The following LMBR1 variants were observed in gnomAD, a reference collection of about 807,000 sequenced individuals.
LMBR1 encodes the protein limb development membrane protein 1, also known as limb region 1 protein homolog.
Under a neutral mutation model 73.9 loss-of-function variants are expected in LMBR1, and 52 were observed. That is an observed-to-expected ratio of 0.70 (90% confidence interval 0.56 to 0.89). The LOEUF (loss-of-function observed/expected upper bound fraction) is 0.89, where lower values mean the gene tolerates loss of function less well. Among genes scored for constraint, LMBR1 ranks in the 40% least tolerant of loss-of-function variants. The probability of loss-of-function intolerance (pLI) is 0.00; values close to 1 mark genes in which losing one functional copy is unlikely to be tolerated. For missense variants in LMBR1, 539 were observed against 579.8 expected (o/e 0.93, Z 0.72); for synonymous variants, 215 against 209.4 (o/e 1.03, Z -0.23).
intron 1 of LMBR1, among the ~76,000 whole-genome samples, chr7:156,842,096 A>AT (rs1176871053): frequency 2.0e-5 from 3 of 150,972 alleles, no homozygotes; most frequent in Non-Finnish European, 4.4e-5. Flanking sequence ...ACATGACTAC[A>AT]TTTTTTGATG....
intron 3 of LMBR1, among the ~76,000 whole-genome samples, chr7:156,827,571 C>T (rs1003779748): frequency 6.6e-6 from 1 of 151,732 alleles, no homozygotes; most frequent in African/African-American, 2.4e-5. Context: ...ACAAGAAACA[C>T]CTAACTTTTT....
chr7:156,800,114 A>C (rs1174781872), intron 4 of LMBR1, among the ~76,000 whole-genome samples: 4 of 152,246 alleles, frequency 2.6e-5, no homozygotes, highest in Non-Finnish European at 5.9e-5. Flanking sequence ...GTTCTCCAGA[A>C]GATCTGGCTA....
At chr7:156,675,261 T>C (rs1177064691), downstream of LMBR1, among the ~76,000 whole-genome samples, 1 of 152,190 alleles carries the variant, frequency 6.6e-6, no homozygotes, top group African/African-American at 2.4e-5. Context: ...GGGTGGTCGG[T>C]GGGAACCACG....
intron 1 of LMBR1, among the ~76,000 whole-genome samples, chr7:156,855,397 C>T (rs1168047632): frequency 6.6e-6 from 1 of 152,040 alleles, no homozygotes; most frequent in Non-Finnish European, 1.5e-5. Flanking sequence ...CTCTTAACAC[C>T]ATAGCAATTA....
At chr7:156,833,360 G>A (rs924479435) in intron 3 of LMBR1, 5 of 174,624 alleles carry the variant, frequency 2.9e-5, no homozygotes, top group Non-Finnish European at 4.8e-5. Flanking sequence ...CCTACAGGAC[G>A]GTCTGGGCCC....
At chr7:156,758,051 C>T (rs1475603646) in intron 8 of LMBR1, among the ~76,000 whole-genome samples, 1 of 152,174 alleles carries the variant, frequency 6.6e-6, no homozygotes, top group Non-Finnish European at 1.5e-5. Flanking sequence ...GGAAGAGATA[C>T]CTAAATGGCC....
chr7:156,848,646 T>C (rs1030968606), intron 1 of LMBR1, among the ~76,000 whole-genome samples: 2 of 152,024 alleles, frequency 1.3e-5, no homozygotes, highest in Non-Finnish European at 2.9e-5. Context: ...AAAAGAGAAA[T>C]ACTGGCTGGG....
intron 1 of LMBR1, among the ~76,000 whole-genome samples, chr7:156,882,337 T>G (rs1245824295): frequency 6.6e-6 from 1 of 152,024 alleles, no homozygotes; most frequent in Non-Finnish European, 1.5e-5. Flanking sequence ...CCCAGCTACT[T>G]AGGAGGCTGA....
Position 156,756,437 on chromosome 7 carries a change from T to C in LMBR1, c.713A>G (p.Tyr238Cys), listed in dbSNP as rs1821891002. The C allele has an allele frequency of 2.0e-6, 3 of 1,505,892 alleles. 1 individual carries two copies. The South Asian group carries it at 3.5e-5, about 18-fold the overall frequency. 93.3% of individuals were successfully genotyped at this position (1,505,892 alleles called of 1,614,324 possible). ...TILEDLDEQI[Y>C]IITLEEEALQ... is the part of the protein sequence containing the mutation. ...TGCTTCTTCCTCTAAGGTAATGATA[T>C]AAATTTGTTCATCCAGGTCTTCAAG... Residue 238 changes from tyrosine (Y) to cysteine (C), a missense_variant, in exon 9 of 17, where the codon TAT becomes TGT. By Grantham distance (194) the Tyr-to-Cys change is radical. Around this residue, in one of 3 missense-constraint regions of LMBR1, gnomAD observed 454 missense variants for 473.4 expected, o/e 0.96. Coordinates refer to ENST00000353442, the MANE Select transcript of LMBR1 (RefSeq NM_022458.4).
rs1269585514 is a variant in LMBR1, at chr7:156,670,466, G to A, written n.867-1179C>T. ...AGAAAAGAGAACACGTGGGACAGAG[G>A]CAACAGCTTGAAGCAACAAAGGCTA... On this transcript the variant is annotated intron_variant and non_coding_transcript_variant, in intron 4 of 4. Coordinates refer to the LMBR1 transcript ENST00000430825. This position sits in a 1 kb window ranked among gnomAD's most constrained non-coding sequence, Gnocchi z 4.3. Among the ~76,000 whole-genome samples, 4 of 152,206 alleles carry A rather than the reference G, an allele frequency of 2.6e-5. No homozygotes were observed. Among genetic ancestry groups the A allele is most frequent in the Non-Finnish European group, 5.9e-5 (4 of 68,040 alleles).
chr7:156,730,854 T>C (rs1816704232), intron 10 of LMBR1, among the ~76,000 whole-genome samples: 5 of 152,068 alleles, frequency 3.3e-5, no homozygotes, highest in Admixed American at 6.5e-5. Context: ...AGAGAATCAC[T>C]TGAACCATGA....
chr7:156,802,565 A>G (rs969156733), intron 4 of LMBR1, among the ~76,000 whole-genome samples: 1 of 152,230 alleles, frequency 6.6e-6, no homozygotes, highest in Non-Finnish European at 1.5e-5. Flanking sequence ...AAAATGAACA[A>G]AATTATAACA....
chr7:156,834,054 G>GA (rs1837176516), intron 2 of LMBR1, among the ~76,000 whole-genome samples: 1 of 151,952 alleles, frequency 6.6e-6, no homozygotes, highest in Admixed American at 6.6e-5. Context: ...ATTTGCTCAA[G>GA]AAAATAAAAC....
chr7:156,746,091 A>G (rs1278327837), intron 9 of LMBR1, among the ~76,000 whole-genome samples: 3 of 152,220 alleles, frequency 2.0e-5, no homozygotes, highest in Non-Finnish European at 4.4e-5. Context: ...AAGACAGCAC[A>G]GCTCTGTAAG....
At chr7:156,833,139 C>T (rs1836984633) in intron 3 of LMBR1, among the ~76,000 whole-genome samples, 1 of 152,122 alleles carries the variant, frequency 6.6e-6, no homozygotes, top group Non-Finnish European at 1.5e-5. Context: ...CTACTTCCAC[C>T]TTTTCTATAA....
intron 1 of LMBR1, among the ~76,000 whole-genome samples, chr7:156,885,786 G>A (rs1801789391): frequency 6.6e-6 from 1 of 152,110 alleles, no homozygotes. Flanking sequence ...GCTGAGGCAG[G>A]AGAATCACTT....
downstream of LMBR1, among the ~76,000 whole-genome samples, chr7:156,673,759 A>AGTCTCCACAGCACTCGACCCTGCGCT (rs1326269798): frequency 6.6e-6 from 1 of 152,188 alleles, no homozygotes; most frequent in East Asian, 1.9e-4. Flanking sequence ...GGCAGCTCAT[A>AGTCTCCACAGCACTCGACCCTGCGCT]GTCTCCACAG....
chr7:156,711,665 G>A (rs552624280), intron 15 of LMBR1, among the ~76,000 whole-genome samples: 4 of 152,188 alleles, frequency 2.6e-5, no homozygotes, highest in Non-Finnish European at 5.9e-5. Context: ...ACAGATCAAT[G>A]GAACAGAATG....
At chr7:156,825,831 G>A (rs912230873) in intron 4 of LMBR1, among the ~76,000 whole-genome samples, 2 of 152,308 alleles carry the variant, frequency 1.3e-5, no homozygotes, top group Admixed American at 6.5e-5. Context: ...ACAGGAAGCC[G>A]CGGTGAGAGG....
Sources: allele counts gnomAD v4.1 joint callset (sites outside exome capture counted in the v4.1 genomes callset), GRCh38; gene constraint gnomAD v4.1.1; regional missense constraint gnomAD v4.1.1; non-coding constraint Gnocchi (gnomAD v3.1); transcripts MANE v1.5; gene names NCBI Gene and HGNC (gene_info 2026-07-23, HGNC 2026-07-21).